The following KATNIP variants were observed in gnomAD, a reference collection of about 807,000 sequenced individuals.
The protein encoded by KATNIP is katanin-interacting protein.
A neutral mutation model predicts 174.0 loss-of-function variants in KATNIP; 126 were observed. The observed-to-expected ratio is 0.72, with a 90% CI of 0.63 to 0.84. The LOEUF is 0.84. Ranked by LOEUF, KATNIP falls within the 40% of genes least tolerant of loss-of-function variation. The pLI is 0.00. For synonymous variants in KATNIP, 810 were observed against 835.7 expected, an observed-to-expected ratio of 0.97 and a Z score of 0.53; for missense variants, 1,958 against 2,109.7, an observed-to-expected ratio of 0.93 and a Z score of 1.41.
At chr16:27,620,448 G>A (rs979938519) in intron 3 of KATNIP, among the ~76,000 whole-genome samples, 1 of 152,180 alleles carries the variant, frequency 6.6e-6, no homozygotes, top group Non-Finnish European at 1.5e-5. Flanking sequence ...GGAAGTGGAG[G>A]CTCCGAGCAG....
At chr16:27,561,928 G>C (rs2089900357) in intron 1 of KATNIP, among the ~76,000 whole-genome samples, 1 of 152,216 alleles carries the variant, frequency 6.6e-6, no homozygotes, top group African/African-American at 2.4e-5. Context: ...CCTGGCCAGA[G>C]TTTATTTCAT....
chr16:27,701,759 A>G, intron 11 of KATNIP, 64 bp downstream of exon 11: 1 of 1,121,530 alleles, frequency 8.9e-7, no homozygotes, highest in Non-Finnish European at 1.3e-6. Flanking sequence ...GATCTTCTTC[A>G]TGAGGGTTCT....
chr16:27,649,214 G>A (rs1285872125), intron 6 of KATNIP, among the ~76,000 whole-genome samples: 3 of 152,246 alleles, frequency 2.0e-5, no homozygotes, highest in African/African-American at 7.2e-5. Flanking sequence ...ACCACCCGCA[G>A]GGCGGCAGGA....
intron 5 of KATNIP, among the ~76,000 whole-genome samples, chr16:27,632,072 A>T (rs1014638733): frequency 8.5e-5 from 13 of 152,252 alleles, no homozygotes; most frequent in African/African-American, 2.9e-4. Flanking sequence ...GAAGTGGCAG[A>T]ATCAAGAGTC....
intron 2 of KATNIP, among the ~76,000 whole-genome samples, chr16:27,596,009 G>A (rs192418220): frequency 3.2e-4 from 49 of 152,280 alleles, no homozygotes; most frequent in African/African-American, 1.1e-3. Context: ...AGGCCAGGTC[G>A]TGTAGGGCTT....
intron 8 of KATNIP, among the ~76,000 whole-genome samples, chr16:27,688,896 C>T (rs911182811): frequency 6.6e-6 from 1 of 152,192 alleles, no homozygotes; most frequent in African/African-American, 2.4e-5. Context: ...ACCAGCCTCC[C>T]TCCTCCATGG....
At chr16:27,741,016 T>C in intron 15 of KATNIP, 96 bp downstream of exon 15, 1 of 1,249,936 alleles carries the variant, frequency 8.0e-7, no homozygotes, top group Non-Finnish European at 1.1e-6. Context: ...TTTCCTTATC[T>C]GCACAACAAG....
intron 3 of KATNIP, among the ~76,000 whole-genome samples, chr16:27,627,049 T>A (rs955525733): frequency 6.6e-6 from 1 of 152,190 alleles, no homozygotes; most frequent in African/African-American, 2.4e-5. Context: ...ATTCTCTGAC[T>A]TTCTGTCTGT....
chr16:27,713,705 C>CATATATATATATATATGTATGTGT (rs2079725756), intron 13 of KATNIP, among the ~76,000 whole-genome samples: 1 of 141,152 alleles, frequency 7.1e-6, no homozygotes, highest in Non-Finnish European at 1.5e-5. Flanking sequence ...TATACACATA[C>CATATATATATATATATGTATGTGT]ATATTATATA....
rs2090568000 is a variant in KATNIP, at chr16:27,578,183, A to G, written c.63+4227A>G. Among the ~76,000 whole-genome samples, 3 of 151,990 alleles carry G rather than the reference A, an allele frequency of 2.0e-5. 1 individual carries two copies. The South Asian group carries it at 6.2e-4, about 32-fold the overall frequency. On this transcript the variant is annotated intron_variant, in intron 2 of 27. Transcript: ENST00000261588. Reference sequence around the variant, plus strand: ...ATTAAGTAGACTCTGGCATACAAAAATTAGCCAGGCGTGGTGGTACATGCC... The same window carrying G: ...ATTAAGTAGACTCTGGCATACAAAAGTTAGCCAGGCGTGGTGGTACATGCC...
At chr16:27,656,053 C>T (rs537958706) in intron 6 of KATNIP, among the ~76,000 whole-genome samples, 2 of 152,192 alleles carry the variant, frequency 1.3e-5, no homozygotes, top group South Asian at 2.1e-4. Flanking sequence ...TTTTCAAAAG[C>T]GAAATCCAGT....
At chr16:27,753,633 G>C (rs2081601396) in intron 17 of KATNIP, among the ~76,000 whole-genome samples, 1 of 152,032 alleles carries the variant, frequency 6.6e-6, no homozygotes, top group South Asian at 2.1e-4. Flanking sequence ...AAAATGTCTG[G>C]GCCCCACCCC....
At position 27,584,291 on chromosome 16, in the gene KATNIP, C is replaced by T. The variant is rs149287343; in HGVS notation, c.63+10335C>T. Among the ~76,000 whole-genome samples the T allele has an allele frequency of 1.1e-3, 168 of 152,142 alleles. No individual in the cohort carries two copies. The Middle Eastern group carries it at 0.014, about 12-fold the overall frequency. ...TCAGCCACGGCCCCAGATAGAGACT[C>T]GCTGGCCCATCTAGGGTTGTGCACT... On this transcript the variant is annotated intron_variant, in intron 2 of 27. Transcript: ENST00000261588.
intron 20 of KATNIP, among the ~76,000 whole-genome samples, chr16:27,769,552 T>C (rs2082227217): frequency 6.6e-6 from 1 of 152,214 alleles, no homozygotes; most frequent in Non-Finnish European, 1.5e-5. Flanking sequence ...TCCATGCCCT[T>C]GACCTCCATC....
In KATNIP at chr16:27,750,204, C is replaced by T. The variant is rs1196814753; in HGVS notation, c.3244C>T (p.Arg1082Trp). 2.5e-6 allele frequency: 4 copies of T among 1,614,066 alleles called. No individual in the cohort carries two copies. Among genetic ancestry groups the T allele is most frequent in the East Asian group, 2.2e-5 (1 of 44,856 alleles). ...LIRIWNYNKS[R>W]IHSFRGVKDI... ...CAGAATTTGGAACTACAATAAATCT[C>T]GGATACATTCCTTCCGAGGCGTGAA... The change falls in exon 16 of 28, where the codon CGG (arginine) becomes TGG (tryptophan). Residue 1082 changes from arginine to tryptophan, a missense_variant. Arg to Trp is a moderately radical substitution (Grantham distance 101). This residue lies in a region of KATNIP where 1,557 missense variants were observed against 1,617.8 expected (regional missense o/e 0.96). Transcript: ENST00000261588.
intron 8 of KATNIP, among the ~76,000 whole-genome samples, chr16:27,692,644 C>T (rs996916364): frequency 6.6e-6 from 1 of 152,160 alleles, no homozygotes; most frequent in Non-Finnish European, 1.5e-5. Flanking sequence ...CAGGGCTCAC[C>T]GCCTTCGTGT....
At chr16:27,598,661 C>T (rs185044944) in intron 2 of KATNIP, among the ~76,000 whole-genome samples, 1 of 152,310 alleles carries the variant, frequency 6.6e-6, no homozygotes, top group East Asian at 1.9e-4. Flanking sequence ...AGTACATTTA[C>T]AAGTGCCTTT....
In KATNIP at chr16:27,627,941, C is replaced by A. The variant is rs540260156; in HGVS notation, c.141-720C>A. 3.3e-5 allele frequency among the ~76,000 whole-genome samples: 5 copies of A among 152,254 alleles called. No individual in the cohort carries two copies. The East Asian group carries it at 9.7e-4, about 29-fold the overall frequency. Reference sequence around the variant, plus strand: ...GTGACATCAGGATTGGGTAAAGGACCAGGCCCAAGGTGTAAGGATGGGCTT... The same window carrying A: ...GTGACATCAGGATTGGGTAAAGGACAAGGCCCAAGGTGTAAGGATGGGCTT... On this transcript the variant is annotated intron_variant, in intron 3 of 27. Coordinates refer to ENST00000261588, the MANE Select transcript of KATNIP (RefSeq NM_015202.5).
chr16:27,611,621 A>T (rs2075894780), intron 2 of KATNIP, among the ~76,000 whole-genome samples: 1 of 152,182 alleles, frequency 6.6e-6, no homozygotes, highest in South Asian at 2.1e-4. Context: ...GGGAGCCAAG[A>T]TGAGCAAGAA....
Sources: gnomAD v4.1 joint callset for allele counts (sites outside exome capture counted in the v4.1 genomes callset) on GRCh38, gnomAD v4.1.1 for gene constraint, gnomAD v4.1.1 regional missense constraint, MANE v1.5 for transcripts, NCBI Gene and HGNC (gene_info 2026-07-23, HGNC 2026-07-21) for gene names.